The following KIF24 variants were observed in gnomAD, a reference collection of about 807,000 sequenced individuals.
KIF24 encodes kinesin-like protein KIF24.
Under a neutral mutation model 118.9 loss-of-function variants are expected in KIF24, and 81 were observed. The observed-to-expected ratio is 0.68, with a 90% CI of 0.57 to 0.82. The LOEUF is 0.82. Among genes scored for constraint, KIF24 ranks in the 40% least tolerant of loss-of-function variants. The pLI, the probability that KIF24 is intolerant of heterozygous loss-of-function variation, is 0.00. For synonymous variants in KIF24, 599 were observed against 610.0 expected (o/e 0.98, Z 0.27); for missense variants, 1,560 against 1,661.6 (o/e 0.94, Z 1.06).
At chr9:34,314,339 T>G (rs1837270773) in intron 1 of KIF24, among the ~76,000 whole-genome samples, 1 of 152,032 alleles carries the variant, frequency 6.6e-6, no homozygotes, top group African/African-American at 2.4e-5. Flanking sequence ...AATTTTTTTG[T>G]ATGTTTAGTA....
intron 3 of KIF24, among the ~76,000 whole-genome samples, chr9:34,301,050 T>C (rs1042762749): frequency 2.6e-5 from 4 of 152,154 alleles, no homozygotes; most frequent in Non-Finnish European, 5.9e-5. Flanking sequence ...TCCAATAAGG[T>C]TTAGATATTG....
At chr9:34,323,088 A>G (rs1186314522) in intron 1 of KIF24, among the ~76,000 whole-genome samples, 2 of 152,208 alleles carry the variant, frequency 1.3e-5, no homozygotes, top group African/African-American at 4.8e-5. Context: ...TGATCTCAAC[A>G]GAAGACAGAT....
At chr9:34,281,369 T>C (rs1163398275) in intron 6 of KIF24, among the ~76,000 whole-genome samples, 1 of 152,076 alleles carries the variant, frequency 6.6e-6, no homozygotes, top group Non-Finnish European at 1.5e-5. Flanking sequence ...TTATACACTA[T>C]AGGTAGTAGA....
At chr9:34,265,539 C>G (rs1835254026) in intron 8 of KIF24, among the ~76,000 whole-genome samples, 1 of 151,870 alleles carries the variant, frequency 6.6e-6, no homozygotes, top group South Asian at 2.1e-4. Flanking sequence ...AAACCAAAAC[C>G]AAACAAATGA....
chr9:34,327,838 T>TAAAA (rs371382729), intron 1 of KIF24, among the ~76,000 whole-genome samples: 19,542 of 122,714 alleles, frequency 0.16, 1,586 homozygotes, highest in South Asian at 0.32. Context: ...TTTTCTCTAA[T>TAAAA]AAAAAAAAAA....
chr9:34,266,444 C>G (rs1025998651), intron 8 of KIF24, among the ~76,000 whole-genome samples: 4 of 151,864 alleles, frequency 2.6e-5, no homozygotes, highest in African/African-American at 9.7e-5. Context: ...TTTGGAAGGC[C>G]GAAGCAGGCG....
intron 10 of KIF24, among the ~76,000 whole-genome samples, chr9:34,259,063 G>A (rs552946630): frequency 1.1e-3 from 162 of 152,234 alleles, no homozygotes; most frequent in Admixed American, 2.0e-3. Flanking sequence ...AAGAGGCCTG[G>A]CCAGGCAGTC....
upstream of KIF24, among the ~76,000 whole-genome samples, chr9:34,331,521 T>C (rs139130294): frequency 2.6e-5 from 4 of 152,334 alleles, no homozygotes; most frequent in East Asian, 3.9e-4. Context: ...ATGAAAATGC[T>C]TGGAATACCA....
chr9:34,333,013 ATTGC>A (rs1377154597), upstream of KIF24, among the ~76,000 whole-genome samples: 2 of 152,110 alleles, frequency 1.3e-5, no homozygotes, highest in African/African-American at 4.8e-5. Context: ...GTCACATAGA[ATTGC>A]TTGTGGGCAG....
intron 11 of KIF24, among the ~76,000 whole-genome samples, chr9:34,255,379 G>C (rs762366536): frequency 6.6e-6 from 1 of 152,094 alleles, no homozygotes; most frequent in Non-Finnish European, 1.5e-5. Context: ...TACAGGGAGG[G>C]AGACAGGGGC....
chr9:34,291,721 T>C (rs1160128435), intron 4 of KIF24, among the ~76,000 whole-genome samples: 1 of 151,936 alleles, frequency 6.6e-6, no homozygotes, highest in Non-Finnish European at 1.5e-5. Flanking sequence ...AGAATGAACA[T>C]AATCTTAGAG....
chr9:34,320,298 T>C (rs552918917), intron 1 of KIF24, among the ~76,000 whole-genome samples: 39 of 149,848 alleles, frequency 2.6e-4, no homozygotes, highest in African/African-American at 9.5e-4. Context: ...AAGAACTTAT[T>C]TATACAGTTT....
chr9:34,326,659 A>G (rs185329287), intron 1 of KIF24, among the ~76,000 whole-genome samples: 1 of 152,326 alleles, frequency 6.6e-6, no homozygotes, highest in East Asian at 1.9e-4. Context: ...AAATCAAGCC[A>G]TCAAACACGG....
chr9:34,323,165 CT>C (rs34135115), intron 1 of KIF24, among the ~76,000 whole-genome samples: 53,275 of 152,030 alleles, frequency 0.35, 10,773 homozygotes, highest in South Asian at 0.57. Flanking sequence ...TAATAGAATT[CT>C]TAAGGCAAGA....
At chr9:34,281,685 G>A (rs1414085561) in intron 6 of KIF24, among the ~76,000 whole-genome samples, 3 of 152,152 alleles carry the variant, frequency 2.0e-5, no homozygotes, top group Non-Finnish European at 4.4e-5. Flanking sequence ...TTTGGCATTC[G>A]CTGGAGGCAT....
In KIF24 at chr9:34,255,937, T is replaced by C. The variant is rs1433249604; in HGVS notation, c.3670A>G (p.Arg1224Gly). 3 of 1,613,972 alleles carry C rather than the reference T, an allele frequency of 1.9e-6. No homozygotes were observed. The highest frequency in any genetic ancestry group is 2.5e-6 in the Non-Finnish European group (3 of 1,179,866). Residue 1224 changes from arginine (R) to glycine (G), a missense_variant, in exon 11 of 13, where the codon AGA becomes GGA. Around this residue, in one of 3 missense-constraint regions of KIF24, gnomAD observed 591 missense variants for 655.6 expected, o/e 0.90. Coordinates refer to ENST00000402558, the MANE Select transcript of KIF24 (RefSeq NM_194313.4). ...CAACCAAGCCTTGTAGGATGTTTTC[T>C]CTCCTGGGCCCAGAGCTGGTCAGCC... ...DVADQLWAQE[R>G]KHPTRLGWQE...
At chr9:34,280,990 T>C (rs566648987) in intron 6 of KIF24, among the ~76,000 whole-genome samples, 1 of 152,274 alleles carries the variant, frequency 6.6e-6, no homozygotes, top group East Asian at 1.9e-4. Context: ...CAGAAGACAT[T>C]GTTATCAATG....
At chr9:34,331,182 A>G (rs997404965), upstream of KIF24, among the ~76,000 whole-genome samples, 3 of 152,208 alleles carry the variant, frequency 2.0e-5, no homozygotes, top group African/African-American at 7.2e-5. Flanking sequence ...GGGACCTTAT[A>G]AGGAATATAT....
At chr9:34,289,222 T>C (rs1386055838) in intron 5 of KIF24, among the ~76,000 whole-genome samples, 1 of 152,192 alleles carries the variant, frequency 6.6e-6, no homozygotes, top group African/African-American at 2.4e-5. Context: ...TCTCCAGTTA[T>C]GCTACTCAGT....
Sources: allele counts gnomAD v4.1 joint callset (sites outside exome capture counted in the v4.1 genomes callset), GRCh38; gene constraint gnomAD v4.1.1; regional missense constraint gnomAD v4.1.1; transcripts MANE v1.5; gene names NCBI Gene and HGNC (gene_info 2026-07-23, HGNC 2026-07-21).